Variants in MYO5A observed in about 807,000 individuals in gnomAD.
MYO5A encodes unconventional myosin-Va.
In MYO5A, 98 loss-of-function variants were observed where a neutral mutation model predicts 249.7. The observed-to-expected ratio is 0.39, with a 90% CI of 0.33 to 0.46. The LOEUF is 0.46. Among genes scored for constraint, MYO5A ranks in the 20% least tolerant of loss-of-function variants. The pLI is 0.98. For synonymous variants in MYO5A, 778 were observed against 810.6 expected, an observed-to-expected ratio of 0.96 and a Z score of 0.68; for missense variants, 1,696 against 2,308.8, an observed-to-expected ratio of 0.73 and a Z score of 5.44.
intron 33 of MYO5A, among the ~76,000 whole-genome samples, chr15:52,337,452 T>C (rs940068437): frequency 3.3e-5 from 5 of 152,332 alleles, no homozygotes; most frequent in Admixed American, 3.3e-4. Flanking sequence ...AATACAAATA[T>C]TCATTTTCCA....
At chr15:52,392,946 G>C (rs1403740069) in intron 11 of MYO5A, among the ~76,000 whole-genome samples, 1 of 152,208 alleles carries the variant, frequency 6.6e-6, no homozygotes, top group East Asian at 1.9e-4. Context: ...GGCTGGTCAG[G>C]GGAGGCTTCC....
intron 14 of MYO5A, among the ~76,000 whole-genome samples, chr15:52,386,219 G>A (rs2141144251): frequency 6.6e-6 from 1 of 152,076 alleles, no homozygotes; most frequent in East Asian, 1.9e-4. Context: ...TGATGTGGAA[G>A]GATCACCTGA....
chr15:52,437,967 T>C, intron 1 of MYO5A: 1 of 921,746 alleles, frequency 1.1e-6, no homozygotes, highest in Non-Finnish European at 1.3e-6. Context: ...CCTCTTTATC[T>C]TAGCTTTACC....
chr15:52,410,292 G>A (rs2043192971), intron 6 of MYO5A, 41 bp downstream of exon 6: 1 of 1,589,290 alleles, frequency 6.3e-7, no homozygotes, highest in Non-Finnish European at 8.6e-7. Flanking sequence ...CAATTATACA[G>A]CAATCTAACA....
intron 34 of MYO5A, 26 bp from the exon 35 acceptor site, chr15:52,330,525 G>A (rs552883524): frequency 1.2e-6 from 2 of 1,613,534 alleles, no homozygotes; most frequent in East Asian, 2.2e-5. Flanking sequence ...GAAAGGAGGA[G>A]AAAATGTTTT....
intron 1 of MYO5A, among the ~76,000 whole-genome samples, chr15:52,466,271 G>A (rs955202312): frequency 6.6e-6 from 1 of 152,126 alleles, no homozygotes; most frequent in Admixed American, 6.5e-5. Flanking sequence ...TGGGGCTTGG[G>A]GAACTGAAAC....
intron 34 of MYO5A, among the ~76,000 whole-genome samples, chr15:52,333,892 G>A (rs942686039): frequency 1.4e-4 from 22 of 152,182 alleles, no homozygotes; most frequent in African/African-American, 5.3e-4. Flanking sequence ...GATGAAAAGT[G>A]TCACCTTGAT....
intron 13 of MYO5A, 75 bp from the exon 14 acceptor site, chr15:52,387,987 CT>C: frequency 9.3e-7 from 1 of 1,073,618 alleles, no homozygotes; most frequent in Non-Finnish European, 1.4e-6. Context: ...TAATAAGAAT[CT>C]TTATTAGTCT....
At chr15:52,408,288 T>G (rs2043097261) in intron 6 of MYO5A, 148 bp from the exon 7 acceptor site, 5 of 614,972 alleles carry the variant, frequency 8.1e-6, no homozygotes, top group East Asian at 5.7e-5. Context: ...TTCTGATTAT[T>G]AAATCTTATG....
At chr15:52,461,831 T>C (rs998371517) in intron 1 of MYO5A, among the ~76,000 whole-genome samples, 2 of 149,706 alleles carry the variant, frequency 1.3e-5, no homozygotes, top group Admixed American at 1.3e-4. Context: ...CATGGTGGCA[T>C]GCGCCTGTAG....
intron 1 of MYO5A, among the ~76,000 whole-genome samples, chr15:52,492,902 T>A (rs2076962823): frequency 6.6e-6 from 1 of 152,204 alleles, no homozygotes; most frequent in African/African-American, 2.4e-5. Context: ...GATTTTCCCA[T>A]AATAAAAAGT....
intron 20 of MYO5A, among the ~76,000 whole-genome samples, chr15:52,374,588 G>A (rs1024826055): frequency 6.6e-6 from 1 of 152,206 alleles, no homozygotes; most frequent in Non-Finnish European, 1.5e-5. Flanking sequence ...AGGCAGATAG[G>A]AGAAGTCAAG....
chr15:52,353,795 G>A, intron 26 of MYO5A, 76 bp downstream of exon 26: 1 of 1,607,914 alleles, frequency 6.2e-7, no homozygotes, highest in Non-Finnish European at 8.5e-7. Context: ...GCTGGGCTGA[G>A]TCTCCACTAA....
chr15:52,410,973 T>C (rs72736668), intron 5 of MYO5A, among the ~76,000 whole-genome samples: 22,855 of 152,196 alleles, frequency 0.15, 1,817 homozygotes, highest in Middle Eastern at 0.22. Flanking sequence ...ACTAATTGTT[T>C]TTATTTGTCT....
chr15:52,480,360 C>T (rs950683826), intron 1 of MYO5A, among the ~76,000 whole-genome samples: 3 of 152,142 alleles, frequency 2.0e-5, no homozygotes, highest in South Asian at 2.1e-4. Flanking sequence ...TTAGGAAAAC[C>T]CGTAACTATT....
intron 4 of MYO5A, among the ~76,000 whole-genome samples, chr15:52,421,564 G>A (rs2141269262): frequency 6.6e-6 from 1 of 152,278 alleles, no homozygotes; most frequent in African/African-American, 2.4e-5. Context: ...GCTTGTCCAA[G>A]CCTGATGACT....
intron 1 of MYO5A, among the ~76,000 whole-genome samples, chr15:52,488,322 AC>A (rs2141525400): frequency 6.6e-6 from 1 of 152,338 alleles, no homozygotes; most frequent in East Asian, 1.9e-4. Flanking sequence ...CTTGGAAACC[AC>A]ATTTTAATGT....
At chr15:52,527,603 G>A (rs2077750757) in intron 1 of MYO5A, among the ~76,000 whole-genome samples, 1 of 152,220 alleles carries the variant, frequency 6.6e-6, no homozygotes, top group South Asian at 2.1e-4. Context: ...CAGCTTGTAA[G>A]GGATGCAAGG....
rs546117623 is a variant in MYO5A, at chr15:52,416,321, T to A, written c.456-20A>T. 1.7e-5 allele frequency: 28 copies of A among 1,612,206 alleles called. No homozygotes were observed. The African/African-American group carries it at 3.3e-4, about 19-fold the overall frequency. On this transcript the variant is annotated intron_variant, in intron 4 of 41. Transcript: ENST00000399233. ...TCATCTCTGTAAAATAAAAATTTTT[T>A]AAAAAGTAACTGCCATTGCTGCCTA...
Sources: gnomAD v4.1 joint callset for allele counts (sites outside exome capture counted in the v4.1 genomes callset) on GRCh38, gnomAD v4.1.1 for gene constraint, MANE v1.5 for transcripts, NCBI Gene and HGNC (gene_info 2026-07-23, HGNC 2026-07-21) for gene names.